OTOF: variants seen among roughly 807,000 people sequenced by gnomAD.
The protein encoded by OTOF is fer-1-like family member 2.
In OTOF, 218 loss-of-function variants were observed where a neutral mutation model predicts 236.8. The observed-to-expected ratio is 0.92, with a 90% confidence interval of 0.82 to 1.03. The LOEUF is 1.03. Ranked by LOEUF, OTOF falls within the 50% of genes least tolerant of loss-of-function variation. OTOF has a pLI of 0.00. For synonymous variants in OTOF, 1,041 were observed against 1,072.5 expected (o/e 0.97, Z 0.57); for missense variants, 2,590 against 2,694.4 (o/e 0.96, Z 0.86).
At chr2:26,507,825 C>T (rs1210252689) in intron 5 of OTOF, among the ~76,000 whole-genome samples, 1 of 152,160 alleles carries the variant, frequency 6.6e-6, no homozygotes, top group Non-Finnish European at 1.5e-5. Flanking sequence ...CACCTACAAT[C>T]TAGACTGGTA....
At position 26,468,351 on chromosome 2, in the gene OTOF, G is replaced by C. The variant is rs971770443; in HGVS notation, c.4090+57C>G. The C allele has an allele frequency of 4.6e-6, 6 of 1,316,664 alleles. No homozygotes were observed. The African/African-American group carries it at 7.2e-5, about 16-fold the overall frequency. The allele number at this position is 1,316,664 out of a possible 1,614,324, so 81.6% of individuals were successfully genotyped here. A position where few individuals can be genotyped will look rare whatever the true frequency, so the allele number is the denominator to read the frequency against. On this transcript the variant is annotated intron_variant, in intron 33 of 46. Coordinates refer to ENST00000272371, the MANE Select transcript of OTOF (RefSeq NM_194248.3). ...GAAGCAGGTGATGAGGTGGGCAGGA[G>C]AGCTGACCACCCAGGGGCGGGGAGG...
intron 5 of OTOF, chr2:26,510,672 G>A (rs765985887): frequency 5.5e-6 from 7 of 1,274,678 alleles, no homozygotes; most frequent in Middle Eastern, 2.1e-4. Flanking sequence ...CCCCAGAGAC[G>A]CTGTTGCGTC....
At position 26,484,649 on chromosome 2, in the gene OTOF, G is replaced by C. The variant is rs778181260; in HGVS notation, c.1046-16C>G. ...AACTGGTGCTCTGCAATGATGAGGG[G>C]TGGGCACTGCACCAGACACCCCCAC... On this transcript the variant is annotated splice_polypyrimidine_tract_variant and intron_variant, in intron 11 of 46. Coordinates refer to ENST00000272371, the MANE Select transcript of OTOF (RefSeq NM_194248.3). The C allele has an allele frequency of 1.4e-5, 22 of 1,613,064 alleles. No individual in the cohort carries two copies. The highest frequency in any genetic ancestry group is 1.9e-5 in the Non-Finnish European group (22 of 1,179,690).
rs1028870467 is a variant in OTOF, at chr2:26,538,327, C to T, written c.80-553G>A. On this transcript the variant is annotated intron_variant, in intron 1 of 46. Transcript: ENST00000272371. ...TTCCCCGTGGGCCAAGGGCCTTCCC[C>T]TTCCACCACTGTCATGGTTGTCCGT... is the stretch of plus-strand genomic sequence containing the variant. Among the ~76,000 whole-genome samples, 6 of 152,274 alleles carry T rather than the reference C, an allele frequency of 3.9e-5. No individual in the cohort carries two copies. In the South Asian group the frequency reaches 1.0e-3, roughly 26 times the overall value.
chr2:26,475,496 G>C lies in OTOF; in HGVS notation c.2992-3C>G. The stretch of plus-strand genomic sequence containing the variant: ...GGACACAGGGTCTCATTCAGCACCT[G>C]CAGCATGGGATGGGGAGACAGGGGA... On this transcript the variant is annotated splice_polypyrimidine_tract_variant and splice_region_variant and intron_variant, in intron 24 of 46. Coordinates refer to ENST00000272371, the MANE Select transcript of OTOF (RefSeq NM_194248.3). The C allele has an allele frequency of 6.2e-7, 1 of 1,612,426 alleles. No individual in the cohort carries two copies. Among genetic ancestry groups the C allele is most frequent in the East Asian group, 2.2e-5 (1 of 44,848 alleles).
chr2:26,542,369 T>A (rs1667230574), intron 1 of OTOF, among the ~76,000 whole-genome samples: 1 of 152,206 alleles, frequency 6.6e-6, no homozygotes, highest in Non-Finnish European at 1.5e-5. Context: ...CATTCGAATC[T>A]GAACGATGCC....
At position 26,466,699 on chromosome 2, in the gene OTOF, C is replaced by T. The variant is rs1197434865; in HGVS notation, c.4500+15G>A. On this transcript the variant is annotated intron_variant, in intron 36 of 46. Transcript: ENST00000272371. ...TGAGGAGACTTGCAAGGAGGGAAAG[C>T]GACGGGAGTCTCACCCGGACCACAT... The T allele has an allele frequency of 1.1e-5, 17 of 1,613,932 alleles. No homozygotes were observed. Among genetic ancestry groups the T allele is most frequent in the Middle Eastern group, 1.6e-4 (1 of 6,084 alleles).
chr2:26,464,178 T>C, intron 39 of OTOF, 72 bp from the exon 40 acceptor site: 1 of 1,581,148 alleles, frequency 6.3e-7, no homozygotes, highest in Non-Finnish European at 8.6e-7. Context: ...GACTAGGGAC[T>C]TAGGAGCACA....
chr2:26,491,399 G>A (rs1355242862), intron 9 of OTOF, among the ~76,000 whole-genome samples: 2 of 152,154 alleles, frequency 1.3e-5, no homozygotes, highest in African/African-American at 4.8e-5. Flanking sequence ...CTGGAGAAGT[G>A]TGTGGGAATG....
chr2:26,462,241 AG>A lies in OTOF; in HGVS notation c.5193-61del. 1 of 1,460,840 alleles carries A rather than the reference AG, an allele frequency of 6.8e-7. No homozygotes were observed. Among genetic ancestry groups the A allele is most frequent in the Non-Finnish European group, 9.6e-7 (1 of 1,041,002 alleles). 90.5% of individuals were successfully genotyped at this position (1,460,840 alleles called of 1,614,324 possible). On this transcript the variant is annotated intron_variant, in intron 41 of 46. Transcript: ENST00000272371. The surrounding 1 kb of genome is among the most constrained non-coding windows in gnomAD (Gnocchi z 4.7). ...CAGGTGGGGGTTATGCCAGGGTGCCAGGGCTGGGATGGGGCAGGCGGAGAGA... is the reference window on the plus strand; with the variant it reads ...CAGGTGGGGGTTATGCCAGGGTGCCAGGCTGGGATGGGGCAGGCGGAGAGA...
chr2:26,479,145 G>T, intron 18 of OTOF, 119 bp downstream of exon 18: 2 of 1,326,292 alleles, frequency 1.5e-6, no homozygotes. Flanking sequence ...CAGAGGTCCT[G>T]CTGGGGCCGT....
At chr2:26,515,224 C>T (rs1209852597) in intron 5 of OTOF, among the ~76,000 whole-genome samples, 1 of 152,220 alleles carries the variant, frequency 6.6e-6, no homozygotes, top group African/African-American at 2.4e-5. Context: ...AGAGCTAGGA[C>T]TCAGGCCTGG....
chr2:26,478,292 C>T (rs1368603812), intron 18 of OTOF, among the ~76,000 whole-genome samples: 2 of 152,188 alleles, frequency 1.3e-5, no homozygotes, highest in Non-Finnish European at 2.9e-5. Context: ...ACCCAGGTCA[C>T]ACTGCAAAGG....
intron 8 of OTOF, among the ~76,000 whole-genome samples, chr2:26,498,943 G>A (rs1666053412): frequency 6.6e-6 from 1 of 152,168 alleles, no homozygotes; most frequent in Admixed American, 6.5e-5. Flanking sequence ...TTGGAGTGGA[G>A]GAGGCAATAT....
intron 8 of OTOF, among the ~76,000 whole-genome samples, chr2:26,500,408 G>C (rs1356420114): frequency 6.6e-6 from 1 of 152,208 alleles, no homozygotes; most frequent in South Asian, 2.1e-4. Context: ...TCTTAGGCCA[G>C]TGACATGATA....
chr2:26,532,654 G>A (rs1437991671), intron 2 of OTOF, among the ~76,000 whole-genome samples: 1 of 152,168 alleles, frequency 6.6e-6, no homozygotes, highest in Non-Finnish European at 1.5e-5. Context: ...CAGATAGGGA[G>A]GGAAAGAGGG....
At chr2:26,530,570 C>T (rs902634663) in intron 2 of OTOF, among the ~76,000 whole-genome samples, 2 of 152,194 alleles carry the variant, frequency 1.3e-5, no homozygotes, top group African/African-American at 4.8e-5. Context: ...TCCCACCTTA[C>T]AGTTTCCTTT....
chr2:26,477,487 C>T lies in OTOF; in HGVS notation c.2335G>A (p.Asp779Asn). Residue 779 changes from aspartate to asparagine, a missense_variant, in exon 20 of 47, where the codon GAC (aspartate) becomes AAC (asparagine). Physicochemically the swap from Asp to Asn is conservative, Grantham distance 23 (BLOSUM62 1). Transcript: ENST00000272371. This position sits in a 1 kb window ranked among gnomAD's most constrained non-coding sequence, Gnocchi z 4.7. ...CGGGATGAGTGGCCCTGGTCCTTGT[C>T]AGCGAGGGAGAGGAAGCGGCTGGGG... ...CGCCRFLSLA[D>N]KDQGHSSRTR... The T allele has an allele frequency of 6.2e-7, 1 of 1,603,498 alleles. No individual in the cohort carries two copies. Among genetic ancestry groups the T allele is most frequent in the Non-Finnish European group, 8.5e-7 (1 of 1,175,902 alleles).
chr2:26,529,124 G>C (rs780329753), intron 2 of OTOF, among the ~76,000 whole-genome samples: 1 of 152,148 alleles, frequency 6.6e-6, no homozygotes, highest in African/African-American at 2.4e-5. Context: ...CACATCCTGA[G>C]CCACAAGCAT....
Sources: gnomAD v4.1 joint callset for allele counts (sites outside exome capture counted in the v4.1 genomes callset) on GRCh38, gnomAD v4.1.1 for gene constraint, Gnocchi (gnomAD v3.1) non-coding constraint, MANE v1.5 for transcripts, NCBI Gene and HGNC (gene_info 2026-07-23, HGNC 2026-07-21) for gene names.